Variants in DLGAP2 observed in about 807,000 individuals in gnomAD.
DLGAP2 encodes the protein disks large-associated protein 2.
DLGAP2 carries 26 observed loss-of-function variants against 100.3 expected under a neutral mutation model. That is an observed-to-expected ratio of 0.26 (90% CI 0.19 to 0.36). DLGAP2 has a LOEUF of 0.36. Ranked by LOEUF, DLGAP2 falls within the 10% of genes least tolerant of loss-of-function variation. The pLI is 1.00. For missense variants in DLGAP2, 1,858 were observed against 1,453.2 expected, an observed-to-expected ratio of 1.28 and a Z score of -4.53; for synonymous variants, 886 against 630.1, an observed-to-expected ratio of 1.41 and a Z score of -6.08.
At position 1,708,211 on chromosome 8, in the gene DLGAP2, A is replaced by G. The variant is rs1381847592; in HGVS notation, c.*6805A>G. 6.6e-6 allele frequency: 1 copy of G among 152,104 alleles called. No homozygotes were observed. The highest frequency in any genetic ancestry group is 1.5e-5 in the Non-Finnish European group (1 of 68,028). The allele number at this position is 152,104 out of a possible 1,614,324, so 9.4% of individuals were successfully genotyped here. A position where few individuals can be genotyped will look rare whatever the true frequency, so the allele number is the denominator to read the frequency against. Reference sequence around the variant, plus strand: ...CTCCTGTAAATAGTTTGGCAATTAAATTTTTTGAGAAAAGTAATGTTTACT... The same window carrying G: ...CTCCTGTAAATAGTTTGGCAATTAAGTTTTTTGAGAAAAGTAATGTTTACT... On this transcript the variant is annotated 3_prime_UTR_variant, in exon 15 of 15. Transcript: ENST00000637795.
chr8:750,747 G>T (rs924723615), intron 1 of DLGAP2, among the ~76,000 whole-genome samples: 2 of 152,232 alleles, frequency 1.3e-5, no homozygotes, highest in African/African-American at 4.8e-5. Flanking sequence ...CGTCTGCAGT[G>T]TTTCAGGCTG....
intron 2 of DLGAP2, among the ~76,000 whole-genome samples, chr8:1,209,729 T>C (rs966861484): frequency 1.3e-5 from 2 of 152,146 alleles, no homozygotes; most frequent in Non-Finnish European, 2.9e-5. Context: ...GGAAAACATT[T>C]AAAGGTGTTT....
intron 3 of DLGAP2, among the ~76,000 whole-genome samples, chr8:1,375,004 AC>A (rs1802354863): frequency 1.3e-5 from 2 of 151,948 alleles, no homozygotes; most frequent in South Asian, 4.1e-4. Flanking sequence ...GTCCTCACTG[AC>A]AGCAGGTGGT....
At chr8:1,078,195 T>C (rs889431184) in intron 2 of DLGAP2, among the ~76,000 whole-genome samples, 2 of 152,196 alleles carry the variant, frequency 1.3e-5, no homozygotes, top group African/African-American at 4.8e-5. Flanking sequence ...TTTATTCATC[T>C]AGAACATTAT....
chr8:1,517,502 A>G (rs561843098), intron 4 of DLGAP2, among the ~76,000 whole-genome samples: 50 of 152,140 alleles, frequency 3.3e-4, no homozygotes, highest in African/African-American at 1.1e-3. Flanking sequence ...TCCTCCACCG[A>G]GCTGTGCATC....
At chr8:1,010,971 T>C (rs949374578) in intron 2 of DLGAP2, among the ~76,000 whole-genome samples, 4 of 143,804 alleles carry the variant, frequency 2.8e-5, no homozygotes, top group South Asian at 2.1e-4. Context: ...GGGGCCTCAG[T>C]CTGCATGGTG....
chr8:1,468,729 A>T (rs373578178), intron 3 of DLGAP2, among the ~76,000 whole-genome samples: 9 of 152,194 alleles, frequency 5.9e-5, no homozygotes, highest in African/African-American at 2.2e-4. Context: ...TCTTCTCGCC[A>T]TTCTGGATGC....
intron 3 of DLGAP2, among the ~76,000 whole-genome samples, chr8:1,439,764 A>G (rs1328446994): frequency 6.6e-6 from 1 of 151,680 alleles, no homozygotes; most frequent in Non-Finnish European, 1.5e-5. Flanking sequence ...TCTCCCCACC[A>G]TCCCCCAGAC....
chr8:956,807 CAT>C (rs1209022640), intron 2 of DLGAP2, among the ~76,000 whole-genome samples: 3 of 152,186 alleles, frequency 2.0e-5, no homozygotes, highest in African/African-American at 7.2e-5. Context: ...CTTTAGTGCA[CAT>C]GTGTCACTGT....
In DLGAP2 at chr8:1,117,703, G is replaced by T. The variant is rs567015300; in HGVS notation, c.74-141148G>T. ...GTGAGGGGAGGGCAGTAGAGAGGAG[G>T]GGGAGGCGGCTGTTCTCCAGACCAG... On this transcript the variant is annotated intron_variant, in intron 2 of 14. Coordinates refer to ENST00000637795, the MANE Select transcript of DLGAP2 (RefSeq NM_001346810.2). Among the ~76,000 whole-genome samples, 4 of 152,268 alleles carry T rather than the reference G, an allele frequency of 2.6e-5. No homozygotes were observed. The East Asian group carries it at 7.7e-4, about 29-fold the overall frequency.
chr8:1,104,633 G>A (rs1804695862), intron 2 of DLGAP2, among the ~76,000 whole-genome samples: 1 of 152,182 alleles, frequency 6.6e-6, no homozygotes, highest in Non-Finnish European at 1.5e-5. Context: ...GCTGCTCCAG[G>A]AAATCGCCGC....
At position 1,085,139 on chromosome 8, in the gene DLGAP2, C is replaced by A. The variant is rs79786083; in HGVS notation, c.74-173712C>A. Reference sequence around the variant, plus strand: ...TGATGCTGAGCTTTCCTACATGTGCCTGTTGGCCATTCAAGTGCCTTCTTT... The same window carrying A: ...TGATGCTGAGCTTTCCTACATGTGCATGTTGGCCATTCAAGTGCCTTCTTT... On this transcript the variant is annotated intron_variant, in intron 2 of 14. Transcript: ENST00000637795. Among the ~76,000 whole-genome samples, 717 of 152,342 alleles carry A rather than the reference C, an allele frequency of 4.7e-3. 7 individuals are homozygous for A. The highest frequency in any genetic ancestry group is 0.016 in the African/African-American group (682 of 41,570).
chr8:1,133,921 G>C (rs1264086696), intron 2 of DLGAP2, among the ~76,000 whole-genome samples: 1 of 151,734 alleles, frequency 6.6e-6, no homozygotes, highest in Middle Eastern at 3.2e-3. Context: ...ATGGGGGTTT[G>C]TGATACAAAT....
intron 3 of DLGAP2, among the ~76,000 whole-genome samples, chr8:1,375,998 TCCAC>T (rs1563114017): frequency 0.016 from 204 of 12,514 alleles, 17 homozygotes; most frequent in African/African-American, 0.078. Flanking sequence ...ACGACCCCTC[TCCAC>T]GGCCTCAGAA....
chr8:1,361,315 G>A (rs1490916863), intron 3 of DLGAP2, among the ~76,000 whole-genome samples: 1 of 152,220 alleles, frequency 6.6e-6, no homozygotes, highest in East Asian at 1.9e-4. Context: ...CACAACTTTA[G>A]AGTAGACTTT....
chr8:1,282,221 CCCCCTG>C, intron 3 of DLGAP2, among the ~76,000 whole-genome samples: 1 of 112,626 alleles, frequency 8.9e-6, no homozygotes, highest in African/African-American at 2.9e-5. Flanking sequence ...CTGAACCCAG[CCCCCTG>C]AACCATCAGG....
chr8:1,378,150 T>TTGTC, intron 3 of DLGAP2: 1 of 161,670 alleles, frequency 6.2e-6, no homozygotes, highest in Non-Finnish European at 1.4e-5. Flanking sequence ...ATGTCTGACT[T>TTGTC]TGTCTGTCTG....
chr8:1,095,530 C>G (rs1032917069), intron 2 of DLGAP2, among the ~76,000 whole-genome samples: 2 of 152,174 alleles, frequency 1.3e-5, no homozygotes, highest in Non-Finnish European at 2.9e-5. Flanking sequence ...AGCCCCCTTG[C>G]TTTGATTTTA....
At chr8:1,011,872 G>C (rs559077077) in intron 2 of DLGAP2, among the ~76,000 whole-genome samples, 1 of 152,228 alleles carries the variant, frequency 6.6e-6, no homozygotes, top group Non-Finnish European at 1.5e-5. Flanking sequence ...GGAACCAGGA[G>C]TTGTGGATGG....
Sources: allele counts gnomAD v4.1 joint callset (sites outside exome capture counted in the v4.1 genomes callset), GRCh38; gene constraint gnomAD v4.1.1; transcripts MANE v1.5; gene names NCBI Gene and HGNC (gene_info 2026-07-23, HGNC 2026-07-21).